The following VWA3B variants were observed in gnomAD, a reference collection of about 807,000 sequenced individuals.
The protein encoded by VWA3B is von Willebrand factor A domain-containing protein 3B.
In VWA3B, 138 loss-of-function variants were observed where a neutral mutation model predicts 158.3. The ratio of observed to expected loss-of-function variants is 0.87; its 90% confidence interval spans 0.76 to 1.00. The LOEUF is 1.00. VWA3B is among the 50% of genes least tolerant of loss of function. The probability of loss-of-function intolerance (pLI) is 0.00; values close to 1 mark genes in which losing one functional copy is unlikely to be tolerated. For missense variants in VWA3B, 1,555 were observed against 1,565.1 expected (o/e 0.99, Z 0.11); for synonymous variants, 596 against 587.3 (o/e 1.01, Z -0.21).
At chr2:98,207,737 G>T in intron 12 of VWA3B, 1 of 372,900 alleles carries the variant, frequency 2.7e-6, no homozygotes, top group East Asian at 6.1e-5. Flanking sequence ...ATTGTGAGGG[G>T]TCTTTTTGGC....
intron 26 of VWA3B, among the ~76,000 whole-genome samples, chr2:98,305,559 G>A (rs1053082992): frequency 1.4e-4 from 21 of 152,248 alleles, no homozygotes; most frequent in African/African-American, 4.8e-4. Context: ...TTCCACCTGA[G>A]TGTACAGAAT....
At chr2:98,300,915 A>G (rs887278731) in intron 25 of VWA3B, among the ~76,000 whole-genome samples, 5 of 152,058 alleles carry the variant, frequency 3.3e-5, no homozygotes, top group African/African-American at 1.2e-4. Context: ...CCACCTCCAG[A>G]GTTGGCAGAA....
At chr2:98,311,172 G>A (rs2106026729) in intron 26 of VWA3B, among the ~76,000 whole-genome samples, 1 of 152,344 alleles carries the variant, frequency 6.6e-6, no homozygotes, top group South Asian at 2.1e-4. Flanking sequence ...CTGAAAAAAG[G>A]TGAGCTCCCA....
chr2:98,115,953 A>C (rs1674500939), intron 3 of VWA3B, among the ~76,000 whole-genome samples: 1 of 152,214 alleles, frequency 6.6e-6, no homozygotes, highest in Admixed American at 6.5e-5. Context: ...AAATTAGTGC[A>C]GAAAACTCTT....
At chr2:98,247,415 G>GTCAC (rs1686471816) in intron 19 of VWA3B, among the ~76,000 whole-genome samples, 2 of 152,046 alleles carry the variant, frequency 1.3e-5, no homozygotes, top group Admixed American at 1.3e-4. Context: ...CAAAAATCTT[G>GTCAC]TCACTGTGAT....
At chr2:98,229,810 C>G (rs1052396762) in intron 15 of VWA3B, among the ~76,000 whole-genome samples, 6 of 152,154 alleles carry the variant, frequency 3.9e-5, no homozygotes, top group Admixed American at 3.9e-4. Flanking sequence ...GTCACAGAGC[C>G]AGGAGGGACC....
chr2:98,236,590 T>C lies in VWA3B; in HGVS notation c.2533T>C (p.Ser845Pro). Residue 845 changes from serine (S) to proline (P), a missense_variant, in exon 19 of 28, where the codon TCA becomes CCA. By Grantham distance (74) the Ser-to-Pro change is moderately conservative (BLOSUM62 -1). Coordinates refer to ENST00000477737, the MANE Select transcript of VWA3B (RefSeq NM_144992.5). ...VYDHDSSDVS[S>P]ENWLKTYGLV... Reference sequence around the variant, plus strand: ...TGTTCTTAGTTCTTCAGATGTGTCTTCAGAAAACTGGCTGAAGACCTATGG... The same window carrying C: ...TGTTCTTAGTTCTTCAGATGTGTCTCCAGAAAACTGGCTGAAGACCTATGG... 6.2e-7 allele frequency: 1 copy of C among 1,614,208 alleles called. No individual in the cohort carries two copies. The highest frequency in any genetic ancestry group is 1.1e-5 in the South Asian group (1 of 91,078).
At chr2:98,275,313 T>C (rs1421508869) in intron 22 of VWA3B, among the ~76,000 whole-genome samples, 2 of 152,132 alleles carry the variant, frequency 1.3e-5, no homozygotes, top group South Asian at 2.1e-4. Context: ...TAGATACCCG[T>C]GGGGCACACA....
chr2:98,293,955 C>T (rs372633227), intron 23 of VWA3B, among the ~76,000 whole-genome samples: 8 of 151,900 alleles, frequency 5.3e-5, no homozygotes, highest in East Asian at 3.9e-4. Context: ...TTTAGCCTTT[C>T]GTATTATCTT....
chr2:98,194,644 A>G (rs1681888688), intron 12 of VWA3B, 152 bp downstream of exon 12: 5 of 829,104 alleles, frequency 6.0e-6, no homozygotes, highest in African/African-American at 1.7e-5. Context: ...TGCAGTGGTC[A>G]CGTTAATCCA....
rs1241148368 is a variant in VWA3B at position 98,278,882 on chromosome 2, C to T, written c.3045+7999C>T. ...CCTTCTACCCAGTATTTCCCTGCCTCCTGTCCATATCAGTGGGCAGGAAGT... is the reference window on the plus strand; with the variant it reads ...CCTTCTACCCAGTATTTCCCTGCCTTCTGTCCATATCAGTGGGCAGGAAGT... On this transcript the variant is annotated intron_variant, in intron 22 of 27. Transcript: ENST00000477737. 3.3e-5 allele frequency among the ~76,000 whole-genome samples: 5 copies of T among 152,300 alleles called. No homozygotes were observed. The East Asian group carries it at 9.7e-4, about 29-fold the overall frequency.
At chr2:98,097,834 T>G (rs1682816635) in intron 2 of VWA3B, among the ~76,000 whole-genome samples, 1 of 152,232 alleles carries the variant, frequency 6.6e-6, no homozygotes, top group East Asian at 1.9e-4. Context: ...ATCCTGATTT[T>G]AATTTGCATT....
Position 98,234,743 on chromosome 2 carries a change from C to A in VWA3B, c.2404C>A (p.Arg802=), listed in dbSNP as rs114683571. The A allele has an allele frequency of 3.0e-5, 49 of 1,614,154 alleles. No individual in the cohort carries two copies. Among genetic ancestry groups the A allele is most frequent in the Non-Finnish European group, 3.9e-5 (46 of 1,180,018 alleles). The stretch of plus-strand genomic sequence containing the variant: ...GGATGGCCTCTCCAATGCCAGCAGC[C>A]GGAGGACTGCTCTAAGTGACAAAGG... ...RKDGLSNASS[R]RTALSDKEMS... The change falls in exon 17 of 28, where the codon CGG becomes AGG. Residue 802 remains arginine (R), a synonymous_variant. Coordinates refer to ENST00000477737, the MANE Select transcript of VWA3B (RefSeq NM_144992.5).
chr2:98,179,313 C>T (rs1424705808), intron 8 of VWA3B: 1 of 471,172 alleles, frequency 2.1e-6, no homozygotes, highest in South Asian at 1.5e-5. Context: ...GCTTGTCCCG[C>T]TCAGGTAACA....
At chr2:98,323,084 G>T in the VWA3B span, among the ~76,000 whole-genome samples, 1 of 152,200 alleles carries the variant, frequency 6.6e-6, no homozygotes, top group African/African-American at 2.4e-5. Flanking sequence ...TAGTAGGCAT[G>T]CAAAGAAACA....
At chr2:98,265,500 A>G (rs1196356444) in intron 21 of VWA3B, among the ~76,000 whole-genome samples, 1 of 152,064 alleles carries the variant, frequency 6.6e-6, no homozygotes, top group East Asian at 1.9e-4. Context: ...GCCTCAATAA[A>G]CATACGTGTG....
chr2:98,134,397 C>T (rs1189100758), intron 7 of VWA3B, among the ~76,000 whole-genome samples: 2 of 152,236 alleles, frequency 1.3e-5, no homozygotes, highest in South Asian at 2.1e-4. Flanking sequence ...GGAACCTTTA[C>T]GGAGGCGGAA....
intron 16 of VWA3B, among the ~76,000 whole-genome samples, chr2:98,233,079 TTG>T (rs1202034677): frequency 3.9e-5 from 6 of 152,210 alleles, no homozygotes; most frequent in Non-Finnish European, 5.9e-5. Flanking sequence ...CACTGGCCAC[TTG>T]TGTGGCTGCA....
intron 12 of VWA3B, among the ~76,000 whole-genome samples, chr2:98,209,114 C>T (rs898845718): frequency 4.6e-5 from 7 of 151,974 alleles, no homozygotes; most frequent in Non-Finnish European, 5.9e-5. Context: ...TTATAGGTAA[C>T]GTGTTATTTC....
Sources: allele counts gnomAD v4.1 joint callset (sites outside exome capture counted in the v4.1 genomes callset), GRCh38; gene constraint gnomAD v4.1.1; transcripts MANE v1.5; gene names NCBI Gene and HGNC (gene_info 2026-07-23, HGNC 2026-07-21).